The following UBR1 variants were observed in gnomAD, a reference collection of about 807,000 sequenced individuals.
UBR1 encodes the protein ubiquitin protein ligase E3 component n-recognin 1, also known as E3 ubiquitin-protein ligase UBR1.
Under a neutral mutation model 242.1 loss-of-function variants are expected in UBR1, and 102 were observed. The observed-to-expected ratio is 0.42, with a 90% CI of 0.36 to 0.50. The LOEUF (loss-of-function observed/expected upper bound fraction) is 0.50, where lower values mean the gene tolerates loss of function less well. UBR1 is among the 20% of genes least tolerant of loss of function. The pLI is 0.01. For synonymous variants in UBR1, 675 were observed against 684.8 expected (o/e 0.99, Z 0.22); for missense variants, 1,772 against 2,101.8 (o/e 0.84, Z 3.07).
intron 41 of UBR1, among the ~76,000 whole-genome samples, chr15:42,965,940 A>T (rs2032098555): frequency 6.6e-6 from 1 of 152,222 alleles, no homozygotes. Context: ...CATAGATAGG[A>T]GCGAAGAGTA....
chr15:43,061,406 G>A lies in UBR1; in HGVS notation c.799-1292C>T, dbSNP rs141575179. 8.7e-3 allele frequency among the ~76,000 whole-genome samples: 1,322 copies of A among 152,206 alleles called. 25 individuals are homozygous for A. Among genetic ancestry groups the A allele is most frequent in the African/African-American group, 0.03 (1,239 of 41,528 alleles). Reference sequence around the variant, plus strand: ...TCCAGAGGAAAAGAAGTCATTATACGAAAAAAGATACTTGCACACGCATGT... The same window carrying A: ...TCCAGAGGAAAAGAAGTCATTATACAAAAAAAGATACTTGCACACGCATGT... On this transcript the variant is annotated intron_variant, in intron 6 of 46. Coordinates refer to ENST00000290650, the MANE Select transcript of UBR1 (RefSeq NM_174916.3).
chr15:43,015,666 T>C, intron 29 of UBR1, 22 bp downstream of exon 29: 2 of 1,611,846 alleles, frequency 1.2e-6, no homozygotes, highest in Non-Finnish European at 1.7e-6. Context: ...GAGTTGGTAA[T>C]TTTTGGTTTG....
chr15:43,023,598 CAAAAAAAAAAAA>C (rs35071600), intron 25 of UBR1, among the ~76,000 whole-genome samples: 12 of 39,984 alleles, frequency 3.0e-4, no homozygotes, highest in East Asian at 1.0e-3. Context: ...AACTCCATCT[CAAAAAAAAAAAA>C]AAAAAAAAAA....
intron 46 of UBR1, among the ~76,000 whole-genome samples, chr15:42,946,851 C>G (rs2031743800): frequency 6.6e-6 from 1 of 152,010 alleles, no homozygotes; most frequent in East Asian, 1.9e-4. Context: ...ATATAGCTGG[C>G]TAATAAAAAG....
chr15:43,051,929 G>A (rs1216366854), intron 12 of UBR1, among the ~76,000 whole-genome samples: 1 of 152,134 alleles, frequency 6.6e-6, no homozygotes, highest in Non-Finnish European at 1.5e-5. Context: ...AGTAATAAAA[G>A]AATAATATTG....
At chr15:42,948,558 C>T (rs1321827045) in intron 46 of UBR1, among the ~76,000 whole-genome samples, 15 of 151,902 alleles carry the variant, frequency 9.9e-5, no homozygotes, top group South Asian at 2.1e-4. Flanking sequence ...TATCCAGAAT[C>T]CACAATGAAC....
At chr15:43,044,659 G>A (rs1272358152) in intron 14 of UBR1, among the ~76,000 whole-genome samples, 3 of 152,158 alleles carry the variant, frequency 2.0e-5, no homozygotes, top group African/African-American at 4.8e-5. Flanking sequence ...TTGGAAGGCC[G>A]AGGTGGGCAG....
intron 37 of UBR1, 131 bp from the exon 38 acceptor site, chr15:42,978,078 T>A: frequency 2.8e-6 from 2 of 708,160 alleles, no homozygotes; most frequent in Non-Finnish European, 5.0e-6. Flanking sequence ...ACATCACACC[T>A]TTGAGATATG....
chr15:43,085,383 C>A (rs892582963), intron 2 of UBR1, among the ~76,000 whole-genome samples: 1 of 152,114 alleles, frequency 6.6e-6, no homozygotes, highest in Non-Finnish European at 1.5e-5. Context: ...ATGAACAAGG[C>A]AAAAATTTAT....
At chr15:43,067,286 C>A (rs189026905) in intron 6 of UBR1, among the ~76,000 whole-genome samples, 1 of 151,924 alleles carries the variant, frequency 6.6e-6, no homozygotes, top group Non-Finnish European at 1.5e-5. Context: ...GCTATACATA[C>A]GAAACACAGA....
intron 27 of UBR1, among the ~76,000 whole-genome samples, chr15:43,018,230 T>C (rs1038474014): frequency 2.0e-5 from 3 of 152,274 alleles, no homozygotes; most frequent in African/African-American, 7.2e-5. Context: ...CTCGATCTCC[T>C]GACCTCATGA....
At chr15:43,015,968 C>T in intron 28 of UBR1, 99 bp from the exon 29 acceptor site, 5 of 1,034,434 alleles carry the variant, frequency 4.8e-6, no homozygotes, top group South Asian at 2.8e-5. Context: ...ATTCTGAAAC[C>T]CTGATTACCC....
At chr15:42,995,845 C>T (rs552666830) in intron 33 of UBR1, among the ~76,000 whole-genome samples, 5 of 152,328 alleles carry the variant, frequency 3.3e-5, no homozygotes, top group African/African-American at 1.2e-4. Context: ...GGGAAACTGA[C>T]AGGACGTTGC....
intron 1 of UBR1, chr15:43,091,877 A>C: frequency 3.1e-6 from 1 of 320,322 alleles, no homozygotes. Context: ...GGTTGCAATG[A>C]GCTGAGATCA....
chr15:43,036,196 G>A lies in UBR1; in HGVS notation c.2172C>T (p.Thr724=). 6.2e-7 allele frequency: 1 copy of A among 1,612,966 alleles called. No individual in the cohort carries two copies. Among genetic ancestry groups the A allele is most frequent in the Non-Finnish European group, 8.5e-7 (1 of 1,179,172 alleles). ...RYELAEAFNK[T]ISTKDQDLIK... ...TGTATACCTGGTCTTTTGTAGATAT[G>A]GTCTTGTTAAAAGCCTCGGCAAGTT... The change falls in exon 19 of 47, where the codon ACC becomes ACT. Residue 724 remains threonine, a synonymous_variant. Transcript: ENST00000290650.
At chr15:43,048,791 G>A (rs2033517249) in intron 12 of UBR1, among the ~76,000 whole-genome samples, 1 of 152,124 alleles carries the variant, frequency 6.6e-6, no homozygotes, top group Non-Finnish European at 1.5e-5. Context: ...AGCTAACTCT[G>A]GACAACCACA....
At chr15:43,053,681 C>T (rs1047040302) in intron 12 of UBR1, among the ~76,000 whole-genome samples, 1 of 152,130 alleles carries the variant, frequency 6.6e-6, no homozygotes, top group Non-Finnish European at 1.5e-5. Context: ...TAACCTCAAA[C>T]CCCTGGGCTC....
intron 15 of UBR1, among the ~76,000 whole-genome samples, chr15:43,042,593 T>C (rs2033434179): frequency 6.6e-6 from 1 of 152,130 alleles, no homozygotes; most frequent in Non-Finnish European, 1.5e-5. Flanking sequence ...GTTTTGGAAG[T>C]TTCATGCTTA....
In UBR1 at chr15:43,106,003, C is replaced by A. The variant is rs141411839; in HGVS notation, c.20G>T (p.Gly7Val). The change falls in exon 1 of 47, where the codon GGA (glycine) becomes GTA (valine). Residue 7 changes from glycine (G) to valine (V), a missense_variant. Physicochemically the swap from Gly to Val is moderately radical, Grantham distance 109 (BLOSUM62 -3). This residue lies in a region of UBR1 where 734 missense variants were observed against 893.3 expected (regional missense o/e 0.82). Transcript: ENST00000290650. The stretch of plus-strand genomic sequence containing the variant: ...GCTGATTTCCATCCTCTCAGTACCT[C>A]CAGCCTCCTCGTCCGCCATCTTGAG... The part of the protein sequence containing the change: MADEEA[G>V]GTERMEISAE... 1.6e-5 allele frequency: 26 copies of A among 1,613,548 alleles called. No homozygotes were observed. The African/African-American group carries it at 3.2e-4, about 20-fold the overall frequency.
Sources: allele counts gnomAD v4.1 joint callset (sites outside exome capture counted in the v4.1 genomes callset), GRCh38; gene constraint gnomAD v4.1.1; regional missense constraint gnomAD v4.1.1; transcripts MANE v1.5; gene names NCBI Gene and HGNC (gene_info 2026-07-23, HGNC 2026-07-21).